The following FAM81A variants were observed in gnomAD, a reference collection of about 807,000 sequenced individuals.
The protein encoded by FAM81A is family with sequence similarity 81 member A, also known as protein FAM81A.
FAM81A carries 19 observed loss-of-function variants against 46.7 expected under a neutral mutation model. The observed-to-expected ratio is 0.41, with a 90% confidence interval of 0.28 to 0.60. FAM81A has a LOEUF of 0.60. Ranked by LOEUF, FAM81A falls within the 20% of genes least tolerant of loss-of-function variation. The pLI is 0.34. For synonymous variants in FAM81A, 183 were observed against 152.9 expected, an observed-to-expected ratio of 1.20 and a Z score of -1.45; for missense variants, 377 against 453.5, an observed-to-expected ratio of 0.83 and a Z score of 1.53.
intron 3 of FAM81A, among the ~76,000 whole-genome samples, chr15:59,485,330 C>T (rs905079460): frequency 1.3e-5 from 2 of 152,216 alleles, no homozygotes; most frequent in Non-Finnish European, 2.9e-5. Context: ...GTGCTGGCTT[C>T]AGGTCAGACC....
At chr15:59,401,843 G>C in intron 1 of FAM81A, 1 of 744,176 alleles carries the variant, frequency 1.3e-6, no homozygotes, top group Admixed American at 2.0e-5. Context: ...TCTCAGCATG[G>C]CCCTGTTTAT....
chr15:59,438,116 G>A (rs2081256203), upstream of FAM81A: 1 of 146,212 alleles, frequency 6.8e-6, no homozygotes, highest in Non-Finnish European at 1.5e-5. Flanking sequence ...CCGCGAACCC[G>A]GCCGGGCCGC....
At chr15:59,415,020 A>G (rs1169452391) in intron 2 of FAM81A, among the ~76,000 whole-genome samples, 1 of 151,402 alleles carries the variant, frequency 6.6e-6, no homozygotes, top group East Asian at 1.9e-4. Flanking sequence ...TTTTCACTGT[A>G]TTAGCCAGGA....
At chr15:59,516,975 G>C in intron 8 of FAM81A, 135 bp downstream of exon 8, 1 of 840,344 alleles carries the variant, frequency 1.2e-6, no homozygotes, top group South Asian at 2.2e-5. Flanking sequence ...GATTTTCTGA[G>C]TAGCTGTGCT....
At chr15:59,494,279 C>G (rs974816935) in intron 4 of FAM81A, among the ~76,000 whole-genome samples, 2 of 152,110 alleles carry the variant, frequency 1.3e-5, no homozygotes, top group African/African-American at 2.4e-5. Context: ...AACTTGCGAG[C>G]TATAGGACAG....
At chr15:59,486,949 A>G (rs2141733943) in intron 3 of FAM81A, among the ~76,000 whole-genome samples, 2 of 152,154 alleles carry the variant, frequency 1.3e-5, no homozygotes, top group East Asian at 3.9e-4. Flanking sequence ...TGAAGGTACA[A>G]AACTCACTGG....
chr15:59,406,509 A>T (rs2081095398), intron 2 of FAM81A, among the ~76,000 whole-genome samples: 1 of 152,212 alleles, frequency 6.6e-6, no homozygotes, highest in Admixed American at 6.5e-5. Flanking sequence ...TATTAAGGCA[A>T]ATTTATATAT....
At chr15:59,469,257 G>C (rs2081654339) in intron 3 of FAM81A, among the ~76,000 whole-genome samples, 1 of 152,116 alleles carries the variant, frequency 6.6e-6, no homozygotes, top group Non-Finnish European at 1.5e-5. Context: ...TCAGGTCCTG[G>C]ATATCCTTGT....
At chr15:59,490,488 T>C (rs1467832952) in intron 3 of FAM81A, among the ~76,000 whole-genome samples, 1 of 152,278 alleles carries the variant, frequency 6.6e-6, no homozygotes, top group African/African-American at 2.4e-5. Flanking sequence ...CACAGGTATA[T>C]GAAAAGGTGC....
At chr15:59,502,447 A>G (rs1305457174) in intron 4 of FAM81A, among the ~76,000 whole-genome samples, 1 of 150,756 alleles carries the variant, frequency 6.6e-6, no homozygotes, top group African/African-American at 2.5e-5. Context: ...ATTTTGAAGA[A>G]CATTATTTTT....
At chr15:59,439,742 C>T (rs1217564399) in intron 1 of FAM81A, among the ~76,000 whole-genome samples, 2 of 152,112 alleles carry the variant, frequency 1.3e-5, no homozygotes, top group African/African-American at 4.8e-5. Context: ...TGATAGCATA[C>T]GGATAGAAAA....
At chr15:59,451,135 G>A (rs1395431225) in intron 1 of FAM81A, among the ~76,000 whole-genome samples, 4 of 152,208 alleles carry the variant, frequency 2.6e-5, no homozygotes, top group African/African-American at 9.6e-5. Context: ...TTGTTAGGGT[G>A]ATCAGAGATT....
rs1451094762 is a variant in FAM81A at position 59,523,498 on chromosome 15, A to AT, written c.*2121dup. On this transcript the variant is annotated 3_prime_UTR_variant, in exon 9 of 9. Coordinates refer to ENST00000288228, the MANE Select transcript of FAM81A (RefSeq NM_152450.3). ...AAAGCTCAAATGAGAATCAGCTTCC[A>AT]TGTTCTTTCCTTTACCAGAAATTTG... The AT allele has an allele frequency of 6.6e-6, 1 of 152,246 alleles. No individual in the cohort carries two copies. Among genetic ancestry groups the AT allele is most frequent in the African/African-American group, 2.4e-5 (1 of 41,472 alleles). The allele number at this position is 152,246 out of a possible 1,614,324, so 9.4% of individuals were successfully genotyped here. A position where few individuals can be genotyped will look rare whatever the true frequency, so the allele number is the denominator to read the frequency against.
intron 4 of FAM81A, among the ~76,000 whole-genome samples, chr15:59,502,306 A>T (rs1043650194): frequency 6.6e-6 from 1 of 151,770 alleles, no homozygotes; most frequent in Admixed American, 6.6e-5. Flanking sequence ...AGCATTAGGT[A>T]TATCTCCTAA....
intron 5 of FAM81A, among the ~76,000 whole-genome samples, chr15:59,508,301 A>G (rs2082170347): frequency 6.6e-6 from 1 of 152,228 alleles, no homozygotes; most frequent in Non-Finnish European, 1.5e-5. Flanking sequence ...AGTAAGGAAC[A>G]TGGAACATTC....
At chr15:59,417,675 A>G (rs1371308171) in intron 2 of FAM81A, among the ~76,000 whole-genome samples, 2 of 152,202 alleles carry the variant, frequency 1.3e-5, no homozygotes, top group African/African-American at 4.8e-5. Flanking sequence ...AGATCATGCC[A>G]CTACACTCCA....
intron 4 of FAM81A, among the ~76,000 whole-genome samples, chr15:59,499,842 A>G (rs1006041436): frequency 1.0e-4 from 15 of 147,796 alleles, no homozygotes; most frequent in Non-Finnish European, 1.5e-5. Flanking sequence ...AAATATTTCT[A>G]TGTCTTTTTC....
At chr15:59,488,783 C>T (rs2081949514) in intron 3 of FAM81A, among the ~76,000 whole-genome samples, 1 of 150,722 alleles carries the variant, frequency 6.6e-6, no homozygotes, top group Admixed American at 6.6e-5. Context: ...TTGAGACCAG[C>T]CTGGGTAACA....
At chr15:59,469,742 A>AT (rs1308211321) in intron 3 of FAM81A, among the ~76,000 whole-genome samples, 2 of 152,142 alleles carry the variant, frequency 1.3e-5, no homozygotes, top group African/African-American at 4.8e-5. Context: ...TTATGTGTGA[A>AT]TTTGATCCTG....
Sources: allele counts gnomAD v4.1 joint callset (sites outside exome capture counted in the v4.1 genomes callset), GRCh38; gene constraint gnomAD v4.1.1; transcripts MANE v1.5; gene names NCBI Gene and HGNC (gene_info 2026-07-23, HGNC 2026-07-21).